The following PRKG1 variants were observed in gnomAD, a reference collection of about 807,000 sequenced individuals.
PRKG1 encodes protein kinase cGMP-dependent 1.
In PRKG1, 35 loss-of-function variants were observed where a neutral mutation model predicts 88.1. The ratio of observed to expected loss-of-function variants is 0.40; its 90% CI spans 0.30 to 0.53. PRKG1 has a LOEUF of 0.53. Among genes scored for constraint, PRKG1 ranks in the 20% least tolerant of loss-of-function variants. The pLI is 0.59. For missense variants in PRKG1, 540 were observed against 839.8 expected (o/e 0.64, Z 4.41); for synonymous variants, 303 against 292.5 (o/e 1.04, Z -0.37).
intron 4 of PRKG1, among the ~76,000 whole-genome samples, chr10:51,868,289 GCGCCAAC>G (rs1312761838): frequency 1.3e-5 from 2 of 152,120 alleles, no homozygotes; most frequent in Non-Finnish European, 2.9e-5. Flanking sequence ...TAAGGATGAA[GCGCCAAC>G]TAGAGCAGAG....
chr10:51,074,490 CG>C lies in PRKG1; in HGVS notation c.-98del. The stretch of plus-strand genomic sequence containing the variant: ...GTCTCAAGTAGGAAGCTTTGGCACT[CG>C]GGAGGCAGCGGCGACTTTGGGGAAA... On this transcript the variant is annotated 5_prime_UTR_variant, in exon 1 of 18. Transcript: ENST00000373980. 6 of 1,485,686 alleles carry C rather than the reference CG, an allele frequency of 4.0e-6. No individual in the cohort carries two copies. Among genetic ancestry groups the C allele is most frequent in the Non-Finnish European group, 5.4e-6 (6 of 1,113,924 alleles). The allele number at this position is 1,485,686 out of a possible 1,614,324, so 92.0% of individuals were successfully genotyped here. A position where few individuals can be genotyped will look rare whatever the true frequency, so the allele number is the denominator to read the frequency against.
In PRKG1 at chr10:52,003,041, C is replaced by T. The variant is rs114357890; in HGVS notation, c.763-51443C>T. 2.4e-3 allele frequency among the ~76,000 whole-genome samples: 366 copies of T among 152,300 alleles called. 2 individuals are homozygous for T. The highest frequency in any genetic ancestry group is 8.5e-3 in the African/African-American group (355 of 41,578). ...TTTACCGTTCTCAACTCTGTCTCTGCATTTCTTTCACCAAATGCCTCCTTG... is the reference window on the plus strand; with the variant it reads ...TTTACCGTTCTCAACTCTGTCTCTGTATTTCTTTCACCAAATGCCTCCTTG... On this transcript the variant is annotated intron_variant, in intron 5 of 17. Coordinates refer to ENST00000373980, the MANE Select transcript of PRKG1 (RefSeq NM_006258.4).
chr10:51,537,470 C>T lies in PRKG1; in HGVS notation c.592+69634C>T, dbSNP rs372643740. 1.4e-4 allele frequency among the ~76,000 whole-genome samples: 22 copies of T among 152,186 alleles called. No homozygotes were observed. In the East Asian group the frequency reaches 2.9e-3, roughly 20 times the overall value. On this transcript the variant is annotated intron_variant, in intron 3 of 17. Transcript: ENST00000373980. ...CAGAGAGGCCAGGCGTGGTGGCTCA[C>T]GCCTGTAATCCCAGCATTTTGGGAG...
intron 2 of PRKG1, among the ~76,000 whole-genome samples, chr10:51,176,411 A>G (rs912204200): frequency 2.0e-4 from 30 of 152,132 alleles, no homozygotes; most frequent in African/African-American, 5.8e-4. Context: ...TTTAGCATAT[A>G]TAAATATGAG....
intron 3 of PRKG1, among the ~76,000 whole-genome samples, chr10:51,778,106 C>T (rs1838488013): frequency 1.3e-5 from 2 of 152,206 alleles, no homozygotes; most frequent in Admixed American, 1.3e-4. Context: ...ACAGTGTAAG[C>T]TTTACGATTA....
At chr10:52,276,315 G>A (rs933595540) in intron 12 of PRKG1, among the ~76,000 whole-genome samples, 3 of 152,102 alleles carry the variant, frequency 2.0e-5, no homozygotes, top group East Asian at 1.9e-4. Flanking sequence ...TATGTTGGCT[G>A]TGCCTCCCTC....
At chr10:51,723,922 T>C (rs1185050879) in intron 3 of PRKG1, among the ~76,000 whole-genome samples, 1 of 152,212 alleles carries the variant, frequency 6.6e-6, no homozygotes, top group Non-Finnish European at 1.5e-5. Context: ...AGGAGTTTCG[T>C]ATGGGTTTCA....
chr10:51,467,810 A>G lies in PRKG1; in HGVS notation c.566A>G (p.Asn189Ser). 1 of 1,612,632 alleles carries G rather than the reference A, an allele frequency of 6.2e-7. No homozygotes were observed. Among genetic ancestry groups the G allele is most frequent in the Non-Finnish European group, 8.5e-7 (1 of 1,178,896 alleles). Reference sequence around the variant, plus strand: ...TTTGGGGAATTGGCTATTCTTTACAACTGTACCCGGACAGCGACCGTCAAG... The same window carrying G: ...TTTGGGGAATTGGCTATTCTTTACAGCTGTACCCGGACAGCGACCGTCAAG... ...KVFGELAILY[N>S]CTRTATVKTL... The change falls in exon 3 of 18, where the codon AAC becomes AGC. Residue 189 changes from asparagine (N) to serine (S), a missense_variant. Physicochemically the swap from Asn to Ser is conservative, Grantham distance 46. Coordinates refer to ENST00000373980, the MANE Select transcript of PRKG1 (RefSeq NM_006258.4).
At chr10:51,969,697 C>G (rs1843657262) in intron 5 of PRKG1, among the ~76,000 whole-genome samples, 1 of 151,780 alleles carries the variant, frequency 6.6e-6, no homozygotes, top group South Asian at 2.1e-4. Flanking sequence ...ATGAGAAAGG[C>G]AAATCAAAAC....
chr10:52,037,419 T>A (rs1353427786), intron 5 of PRKG1, among the ~76,000 whole-genome samples: 3 of 152,168 alleles, frequency 2.0e-5, no homozygotes, highest in Admixed American at 1.3e-4. Context: ...GGGCCGGAAT[T>A]TAATTTTTGG....
rs571636935 is a variant in PRKG1 at position 52,185,924 on chromosome 10, G to C, written c.1076+23961G>C. On this transcript the variant is annotated intron_variant, in intron 9 of 17. Transcript: ENST00000373980. ...CTGCACAGGGTAGCAGAGACCTGGGGCTGGCCCCTGAAACTATTCAGTCCT... is the reference window on the plus strand; with the variant it reads ...CTGCACAGGGTAGCAGAGACCTGGGCCTGGCCCCTGAAACTATTCAGTCCT... 8.5e-5 allele frequency among the ~76,000 whole-genome samples: 13 copies of C among 152,286 alleles called. No homozygotes were observed. In the East Asian group the frequency reaches 2.3e-3, roughly 27 times the overall value.
chr10:52,276,358 G>C (rs1841874504), intron 12 of PRKG1, among the ~76,000 whole-genome samples: 1 of 152,034 alleles, frequency 6.6e-6, no homozygotes, highest in Non-Finnish European at 1.5e-5. Flanking sequence ...TGCACAGATT[G>C]CAACATACTT....
intron 3 of PRKG1, among the ~76,000 whole-genome samples, chr10:51,540,420 A>C (rs1214441166): frequency 6.6e-6 from 1 of 152,202 alleles, no homozygotes; most frequent in East Asian, 1.9e-4. Context: ...ATCTGGCACA[A>C]TGGTAAATGT....
intron 7 of PRKG1, among the ~76,000 whole-genome samples, chr10:52,131,914 G>A (rs1249478866): frequency 6.7e-6 from 1 of 148,882 alleles, no homozygotes; most frequent in Non-Finnish European, 1.5e-5. Context: ...GGGAGTTAAC[G>A]AGACTATAAC....
chr10:52,069,887 A>G (rs1846453582), intron 7 of PRKG1, among the ~76,000 whole-genome samples: 1 of 151,912 alleles, frequency 6.6e-6, no homozygotes. Flanking sequence ...TTCTATTGTC[A>G]TAGGCATTGC....
rs563633829 is a variant in PRKG1, at chr10:51,186,860, T to G, written c.478+33530T>G. Among the ~76,000 whole-genome samples the G allele has an allele frequency of 1.7e-3, 264 of 151,232 alleles. 3 individuals are homozygous for G. Among genetic ancestry groups the G allele is most frequent in the Non-Finnish European group, 3.7e-4 (25 of 67,774 alleles). ...TTTCTATACTTTTTACTTCATCTTT[T>G]GTCACTCTTCCCTGATCTCAGTCTT... is the stretch of plus-strand genomic sequence containing the variant. On this transcript the variant is annotated intron_variant, in intron 2 of 17. Coordinates refer to ENST00000373980, the MANE Select transcript of PRKG1 (RefSeq NM_006258.4).
At chr10:51,631,543 A>G (rs1376002573) in intron 3 of PRKG1, among the ~76,000 whole-genome samples, 1 of 152,184 alleles carries the variant, frequency 6.6e-6, no homozygotes, top group Admixed American at 6.5e-5. Flanking sequence ...ATGAGTCTAC[A>G]AGCAGTTGAT....
intron 1 of PRKG1, among the ~76,000 whole-genome samples, chr10:51,002,659 T>C (rs1842901387): frequency 6.6e-6 from 1 of 152,154 alleles, no homozygotes; most frequent in African/African-American, 2.4e-5. Flanking sequence ...TTTCATTCAG[T>C]CTGTGACCCC....
intron 1 of PRKG1, among the ~76,000 whole-genome samples, chr10:50,997,904 T>C (rs1479073529): frequency 6.6e-6 from 1 of 152,214 alleles, no homozygotes; most frequent in East Asian, 1.9e-4. Flanking sequence ...TACACACGTG[T>C]CAAACTGTCA....
Sources: gnomAD v4.1 joint callset for allele counts (sites outside exome capture counted in the v4.1 genomes callset) on GRCh38, gnomAD v4.1.1 for gene constraint, MANE v1.5 for transcripts, NCBI Gene and HGNC (gene_info 2026-07-23, HGNC 2026-07-21) for gene names.